Variants in EDC3 observed in about 807,000 individuals in gnomAD.
EDC3 encodes the protein enhancer of mRNA-decapping protein 3.
Under a neutral mutation model 41.8 loss-of-function variants are expected in EDC3, and 20 were observed. The ratio of observed to expected loss-of-function variants is 0.48; its 90% CI spans 0.34 to 0.70. The LOEUF (loss-of-function observed/expected upper bound fraction) is 0.70, where lower values mean the gene tolerates loss of function less well. Ranked by LOEUF, EDC3 falls within the 30% of genes least tolerant of loss-of-function variation. The pLI, the probability that EDC3 is intolerant of heterozygous loss-of-function variation, is 0.01. For missense variants in EDC3, 444 were observed against 636.8 expected (o/e 0.70, Z 3.26); for synonymous variants, 206 against 243.2 (o/e 0.85, Z 1.42).
rs149629448 is a variant in EDC3, at chr15:74,633,145, C to A, written c.1193-199G>T. ...AGCTGGCTGGGCTGAGTGCTAGAGA[C>A]CAAGTGCATGTCAGCCCAGCAGACC... is the stretch of plus-strand genomic sequence containing the variant. On this transcript the variant is annotated intron_variant, in intron 6 of 6. Coordinates refer to ENST00000315127, the MANE Select transcript of EDC3 (RefSeq NM_025083.5). Among the ~76,000 whole-genome samples, 19 of 152,352 alleles carry A rather than the reference C, an allele frequency of 1.2e-4. No individual in the cohort carries two copies. In the East Asian group the frequency reaches 3.7e-3, roughly 29 times the overall value.
chr15:74,679,186 ACT>A (rs2062841697), intron 1 of EDC3, among the ~76,000 whole-genome samples: 1 of 152,002 alleles, frequency 6.6e-6, no homozygotes, highest in South Asian at 2.1e-4. Flanking sequence ...ACAAAGCAAG[ACT>A]CTGTCTCAAA....
intron 1 of EDC3, among the ~76,000 whole-genome samples, chr15:74,689,701 T>C (rs943855821): frequency 2.6e-5 from 4 of 152,150 alleles, no homozygotes; most frequent in African/African-American, 4.8e-5. Context: ...ATTTTTTGTA[T>C]TTTTAGTGGA....
At chr15:74,672,645 G>A (rs2062752814) in intron 2 of EDC3, among the ~76,000 whole-genome samples, 1 of 152,056 alleles carries the variant, frequency 6.6e-6, no homozygotes, top group Non-Finnish European at 1.5e-5. Context: ...GCAAAACCCT[G>A]TCTCAACTAA....
chr15:74,671,887 C>G lies in EDC3; in HGVS notation c.165-113G>C, dbSNP rs1174595888. ...GCAGGACTGCATTTTATTGAGTTAT[C>G]AGAGGCTAGGAAAGGGGGCTGTGTG... On this transcript the variant is annotated intron_variant, in intron 2 of 6. Transcript: ENST00000315127. This position sits in a 1 kb window ranked among gnomAD's most constrained non-coding sequence, Gnocchi z 4.6. The G allele has an allele frequency of 2.3e-5, 25 of 1,074,294 alleles. No individual in the cohort carries two copies. Among genetic ancestry groups the G allele is most frequent in the Non-Finnish European group, 3.1e-5 (23 of 736,994 alleles). 66.5% of individuals were successfully genotyped at this position (1,074,294 alleles called of 1,614,324 possible).
rs1340756337 is a variant in EDC3 at position 74,635,621 on chromosome 15, T to C, written c.980A>G (p.Asn327Ser). 4 of 1,611,950 alleles carry C rather than the reference T, an allele frequency of 2.5e-6. No homozygotes were observed. Among genetic ancestry groups the C allele is most frequent in the Non-Finnish European group, 2.5e-6 (3 of 1,178,198 alleles). Residue 327 changes from asparagine (N) to serine (S), a missense_variant, in exon 6 of 7, where the codon AAT becomes AGT. Asn to Ser is a conservative substitution (Grantham distance 46, BLOSUM62 1). Around this residue, in one of 3 missense-constraint regions of EDC3, gnomAD observed 242 missense variants for 363.8 expected, o/e 0.67. Transcript: ENST00000315127. Reference sequence around the variant, plus strand: ...AGGCCTCTGGTGAACATTTTTGGGATTCAACCTGGAAAAGAAGGTGAAGAA... The same window carrying C: ...AGGCCTCTGGTGAACATTTTTGGGACTCAACCTGGAAAAGAAGGTGAAGAA... ...LTLLGGPNRL[N>S]PKNVHQRPTV...
At chr15:74,683,443 G>C (rs1249294850) in intron 1 of EDC3, among the ~76,000 whole-genome samples, 1 of 152,218 alleles carries the variant, frequency 6.6e-6, no homozygotes, top group East Asian at 1.9e-4. Flanking sequence ...GCTGAGGCAG[G>C]AGAATCACTT....
chr15:74,692,890 T>C (rs1341235036), intron 1 of EDC3: 1 of 152,256 alleles, frequency 6.6e-6, no homozygotes, highest in Non-Finnish European at 1.5e-5. Flanking sequence ...ACTTACACTA[T>C]GTAAATCTAG....
chr15:74,667,592 T>C (rs183162069), intron 3 of EDC3, among the ~76,000 whole-genome samples: 1 of 145,642 alleles, frequency 6.9e-6, no homozygotes, highest in Admixed American at 6.8e-5. Flanking sequence ...AAAAAAAAAA[T>C]AAAATCCACA....
At chr15:74,640,736 C>T (rs989650772) in intron 4 of EDC3, 117 bp from the exon 5 acceptor site, 60 of 1,296,104 alleles carry the variant, frequency 4.6e-5, no homozygotes, top group Admixed American at 1.6e-4. Flanking sequence ...CACCCCTGGC[C>T]CATCCTCTTC....
At chr15:74,649,477 G>A (rs892821241) in intron 4 of EDC3, among the ~76,000 whole-genome samples, 2 of 152,078 alleles carry the variant, frequency 1.3e-5, no homozygotes, top group Non-Finnish European at 2.9e-5. Context: ...AGGCCCCTAA[G>A]GTGATGAACT....
At chr15:74,680,091 T>C (rs546079634) in intron 1 of EDC3, among the ~76,000 whole-genome samples, 1 of 151,348 alleles carries the variant, frequency 6.6e-6, no homozygotes, top group Non-Finnish European at 1.5e-5. Context: ...TGAAACCCTG[T>C]CTCTACTAAA....
intron 1 of EDC3, among the ~76,000 whole-genome samples, chr15:74,690,007 C>T (rs972509461): frequency 3.9e-5 from 6 of 152,166 alleles, no homozygotes; most frequent in Admixed American, 2.6e-4. Context: ...AAAAATACAT[C>T]TTCCCTGTAA....
At chr15:74,683,452 T>C (rs1161897503) in intron 1 of EDC3, among the ~76,000 whole-genome samples, 2 of 152,128 alleles carry the variant, frequency 1.3e-5, no homozygotes, top group South Asian at 2.1e-4. Flanking sequence ...GGAGAATCAC[T>C]TGAACCCAGG....
chr15:74,675,320 TA>T (rs1398414204), intron 1 of EDC3, among the ~76,000 whole-genome samples, 178 bp from the exon 2 acceptor site: 2 of 152,020 alleles, frequency 1.3e-5, no homozygotes, highest in African/African-American at 4.8e-5. Flanking sequence ...GTATGAATAT[TA>T]AAAAATAATA....
chr15:74,640,378 C>T, intron 5 of EDC3, 88 bp downstream of exon 5: 2 of 1,431,310 alleles, frequency 1.4e-6, no homozygotes, highest in Admixed American at 2.0e-5. Flanking sequence ...CTAATGAACT[C>T]GTATGTGTGT....
chr15:74,689,816 G>A (rs1397022495), intron 1 of EDC3, among the ~76,000 whole-genome samples: 7 of 152,146 alleles, frequency 4.6e-5, no homozygotes, highest in African/African-American at 1.4e-4. Context: ...GAGCCACTGC[G>A]CCCGGCCCTG....
At chr15:74,681,739 T>A (rs955182207) in intron 1 of EDC3, among the ~76,000 whole-genome samples, 1 of 152,166 alleles carries the variant, frequency 6.6e-6, no homozygotes, top group African/African-American at 2.4e-5. Context: ...TCACACTTTA[T>A]ACAAAAATTT....
chr15:74,653,516 T>C (rs1034050579), intron 4 of EDC3, among the ~76,000 whole-genome samples: 9 of 152,126 alleles, frequency 5.9e-5, no homozygotes, highest in African/African-American at 2.2e-4. Context: ...CAGACGCTGC[T>C]TGGCAAAAGG....
At chr15:74,673,772 G>A (rs2062768623) in intron 2 of EDC3, among the ~76,000 whole-genome samples, 1 of 151,518 alleles carries the variant, frequency 6.6e-6, no homozygotes, top group South Asian at 2.1e-4. Context: ...CCCGGGAGAT[G>A]GAGTTTGCAG....
Sources: gnomAD v4.1 joint callset for allele counts (sites outside exome capture counted in the v4.1 genomes callset) on GRCh38, gnomAD v4.1.1 for gene constraint, gnomAD v4.1.1 regional missense constraint, Gnocchi (gnomAD v3.1) non-coding constraint, MANE v1.5 for transcripts, NCBI Gene and HGNC (gene_info 2026-07-23, HGNC 2026-07-21) for gene names.